GALNTL6: variants seen among roughly 807,000 people sequenced by gnomAD.
The protein encoded by GALNTL6 is polypeptide N-acetylgalactosaminyltransferase like 6.
A neutral mutation model predicts 73.7 loss-of-function variants in GALNTL6; 46 were observed. The ratio of observed to expected loss-of-function variants is 0.62; its 90% CI spans 0.49 to 0.80. The LOEUF (loss-of-function observed/expected upper bound fraction) is 0.80, where lower values mean the gene tolerates loss of function less well. Ranked by LOEUF, GALNTL6 falls within the 30% of genes least tolerant of loss-of-function variation. The pLI, the probability that GALNTL6 is intolerant of heterozygous loss-of-function variation, is 0.00. For missense variants in GALNTL6, 604 were observed against 755.0 expected (o/e 0.80, Z 2.34); for synonymous variants, 259 against 263.7 (o/e 0.98, Z 0.17).
chr4:172,276,230 T>C (rs1209745484), intron 3 of GALNTL6, among the ~76,000 whole-genome samples: 1 of 152,184 alleles, frequency 6.6e-6, no homozygotes, highest in Non-Finnish European at 1.5e-5. Flanking sequence ...ACTTGTTTTA[T>C]ATCTTCCTTA....
At position 172,360,476 on chromosome 4, in the gene GALNTL6, A is replaced by C. The variant is rs201665109; in HGVS notation, c.553+11787A>C. Reference sequence around the variant, plus strand: ...ATTCTGTATTTACATAAAAAATGTTAAAAGAGATGCTGTAAACTCTTCTAA... The same window carrying C: ...ATTCTGTATTTACATAAAAAATGTTCAAAGAGATGCTGTAAACTCTTCTAA... On this transcript the variant is annotated intron_variant, in intron 5 of 12. Transcript: ENST00000506823. 1.3e-3 allele frequency among the ~76,000 whole-genome samples: 123 copies of C among 95,326 alleles called. 1 individual carries two copies. The South Asian group carries it at 0.022, about 17-fold the overall frequency. 62.5% of individuals were successfully genotyped at this position (95,326 alleles called of 152,430 possible).
intron 5 of GALNTL6, among the ~76,000 whole-genome samples, chr4:172,530,559 C>G (rs1477173603): frequency 1.3e-5 from 2 of 152,140 alleles, no homozygotes; most frequent in East Asian, 3.9e-4. Flanking sequence ...CCACAGCTGT[C>G]TTGTTAATCA....
intron 2 of GALNTL6, among the ~76,000 whole-genome samples, chr4:172,083,151 T>G (rs1391708656): frequency 6.6e-6 from 1 of 152,290 alleles, no homozygotes; most frequent in East Asian, 1.9e-4. Flanking sequence ...AAAAATGTTT[T>G]CAAAATAAGT....
intron 5 of GALNTL6, among the ~76,000 whole-genome samples, chr4:172,782,227 C>T (rs531292404): frequency 6.6e-6 from 1 of 152,184 alleles, no homozygotes; most frequent in South Asian, 2.1e-4. Flanking sequence ...CACATATGCA[C>T]AAATATATGC....
At chr4:172,750,352 C>T (rs1317123647) in intron 5 of GALNTL6, among the ~76,000 whole-genome samples, 1 of 152,166 alleles carries the variant, frequency 6.6e-6, no homozygotes, top group African/African-American at 2.4e-5. Flanking sequence ...ATCAAGATTC[C>T]TTATTTCTCT....
At chr4:171,837,020 G>A (rs1735110842) in intron 2 of GALNTL6, among the ~76,000 whole-genome samples, 2 of 152,172 alleles carry the variant, frequency 1.3e-5, no homozygotes, top group Admixed American at 6.6e-5. Flanking sequence ...TAATTACAAA[G>A]GGGAAAAGAG....
intron 5 of GALNTL6, among the ~76,000 whole-genome samples, chr4:172,761,040 T>A (rs1738054596): frequency 6.6e-6 from 1 of 152,220 alleles, no homozygotes; most frequent in East Asian, 1.9e-4. Context: ...AGTGAACAAG[T>A]TCTGAACAAG....
At chr4:172,274,578 T>G (rs941632980) in intron 3 of GALNTL6, among the ~76,000 whole-genome samples, 1 of 152,144 alleles carries the variant, frequency 6.6e-6, no homozygotes, top group African/African-American at 2.4e-5. Flanking sequence ...GTTTGATCTA[T>G]CTCCTCCAAG....
chr4:172,394,350 A>G (rs1226313656), intron 5 of GALNTL6, among the ~76,000 whole-genome samples: 1 of 151,952 alleles, frequency 6.6e-6, no homozygotes, highest in African/African-American at 2.4e-5. Context: ...TTGATGTAAC[A>G]CATGTGTTCC....
intron 2 of GALNTL6, among the ~76,000 whole-genome samples, chr4:172,166,080 T>C (rs1734615196): frequency 6.6e-6 from 1 of 152,230 alleles, no homozygotes; most frequent in Non-Finnish European, 1.5e-5. Context: ...TCCTTATAAA[T>C]GCAAATATTA....
rs139917729 is a variant in GALNTL6 at position 171,962,765 on chromosome 4, C to CTTTTTTTT, written c.138+148058_138+148065dup. Among the ~76,000 whole-genome samples, 242 of 113,716 alleles carry CTTTTTTTT rather than the reference C, an allele frequency of 2.1e-3. 4 individuals carry two copies. Among genetic ancestry groups the CTTTTTTTT allele is most frequent in the Middle Eastern group, 7.2e-3 (1 of 138 alleles). 74.6% of individuals were successfully genotyped at this position (113,716 alleles called of 152,430 possible). A position where few individuals can be genotyped will look rare whatever the true frequency, so the allele number is the denominator to read the frequency against. ...TACTTTCTTAATAAGCTTGCTTTTA[C>CTTTTTTTT]TTTTTTTTTTTTTTTTTTGTGAGAT... On this transcript the variant is annotated intron_variant, in intron 2 of 12. Coordinates refer to ENST00000506823, the MANE Select transcript of GALNTL6 (RefSeq NM_001034845.3).
At chr4:172,755,929 A>G (rs1417166304) in intron 5 of GALNTL6, among the ~76,000 whole-genome samples, 3 of 152,208 alleles carry the variant, frequency 2.0e-5, no homozygotes, top group Non-Finnish European at 4.4e-5. Flanking sequence ...CAAAGTATTA[A>G]ATGATGAGAG....
At chr4:172,039,557 A>T (rs923385016) in intron 2 of GALNTL6, among the ~76,000 whole-genome samples, 1 of 152,144 alleles carries the variant, frequency 6.6e-6, no homozygotes, top group Admixed American at 6.6e-5. Context: ...GGAATGAGTT[A>T]TGGAGAGAAA....
intron 10 of GALNTL6, among the ~76,000 whole-genome samples, chr4:172,981,394 C>A (rs918440292): frequency 6.6e-6 from 1 of 152,180 alleles, no homozygotes; most frequent in African/African-American, 2.4e-5. Context: ...GTTTTTTTAA[C>A]AGCCATCCTA....
At chr4:172,118,545 C>T (rs535881115) in intron 2 of GALNTL6, among the ~76,000 whole-genome samples, 1 of 151,714 alleles carries the variant, frequency 6.6e-6, no homozygotes, top group Non-Finnish European at 1.5e-5. Context: ...ACTAAAAATA[C>T]AAAAATTAGT....
chr4:172,712,550 T>TA lies in GALNTL6; in HGVS notation c.554-96807dup, dbSNP rs574247695. ...TATGAAGAAAAAATAATGGAAACAA[T>TA]AAAAGTTCTGGTGGTCCTTGAGGTA... On this transcript the variant is annotated intron_variant, in intron 5 of 12. Transcript: ENST00000506823. 1.7e-3 allele frequency among the ~76,000 whole-genome samples: 257 copies of TA among 152,266 alleles called. 1 individual carries two copies. The highest frequency in any genetic ancestry group is 6.0e-3 in the African/African-American group (250 of 41,558).
chr4:173,023,514 AG>A (rs1232697840), intron 12 of GALNTL6, among the ~76,000 whole-genome samples: 1 of 152,140 alleles, frequency 6.6e-6, no homozygotes, highest in Non-Finnish European at 1.5e-5. Context: ...AAAATTAGCC[AG>A]GCATGTTGGT....
chr4:172,572,623 T>G lies in GALNTL6; in HGVS notation c.553+223934T>G, dbSNP rs888908475. 9.8e-5 allele frequency among the ~76,000 whole-genome samples: 15 copies of G among 152,310 alleles called. 1 individual carries two copies. Among genetic ancestry groups the G allele is most frequent in the African/African-American group, 3.4e-4 (14 of 41,570 alleles). On this transcript the variant is annotated intron_variant, in intron 5 of 12. Transcript: ENST00000506823. ...TCTCAGTCTCTTCATTTATGTTGCC[T>G]CTGTGTAATCTAAGTTCCAACCGTC...
At chr4:171,878,409 CAGTT>C (rs1578934297) in intron 2 of GALNTL6, among the ~76,000 whole-genome samples, 1 of 152,122 alleles carries the variant, frequency 6.6e-6, no homozygotes. Context: ...ACTTTAAAAT[CAGTT>C]AGCAATTTCT....
Sources: allele counts gnomAD v4.1 joint callset (sites outside exome capture counted in the v4.1 genomes callset), GRCh38; gene constraint gnomAD v4.1.1; transcripts MANE v1.5; gene names NCBI Gene and HGNC (gene_info 2026-07-23, HGNC 2026-07-21).